ADCY3: variants seen among roughly 807,000 people sequenced by gnomAD.
ADCY3 encodes adenylate cyclase 3, also known as adenylate cyclase type 3.
ADCY3 carries 70 observed loss-of-function variants against 119.4 expected under a neutral mutation model. That is an observed-to-expected ratio of 0.59 (90% CI 0.48 to 0.72). ADCY3 has a LOEUF of 0.72. Ranked by LOEUF, ADCY3 falls within the 30% of genes least tolerant of loss-of-function variation. The pLI, the probability that ADCY3 is intolerant of heterozygous loss-of-function variation, is 0.00. For missense variants in ADCY3, 1,238 were observed against 1,541.6 expected, an observed-to-expected ratio of 0.80 and a Z score of 3.30; for synonymous variants, 672 against 621.4, an observed-to-expected ratio of 1.08 and a Z score of -1.21.
At position 24,841,490 on chromosome 2, in the gene ADCY3, A is replaced by AT; in HGVS notation, c.1068+65dup. The AT allele has an allele frequency of 2.5e-6, 4 of 1,589,968 alleles. No homozygotes were observed. Among genetic ancestry groups the AT allele is most frequent in the Non-Finnish European group, 3.4e-6 (4 of 1,165,570 alleles). On this transcript the variant is annotated intron_variant, in intron 5 of 21. Transcript: ENST00000679454. The surrounding 1 kb of genome is among the most constrained non-coding windows in gnomAD (Gnocchi z 5.8). ...GTGGGAGAAAATCATGGGGCCGGGGATGGGGGCCAGGCAGAGGCCATGAGG... is the reference window on the plus strand; with the variant it reads ...GTGGGAGAAAATCATGGGGCCGGGGATTGGGGGCCAGGCAGAGGCCATGAGG...
intron 17 of ADCY3, 106 bp downstream of exon 17, chr2:24,824,272 A>G (rs1043792659): frequency 7.0e-7 from 1 of 1,434,522 alleles, no homozygotes; most frequent in Non-Finnish European, 9.4e-7. Flanking sequence ...CCTAGGCCCC[A>G]GTCCCCTGTC....
rs937846524 is a variant in ADCY3 at position 24,827,468 on chromosome 2, G to A, written c.2495+78C>T. The A allele has an allele frequency of 4.7e-6, 7 of 1,496,842 alleles. No homozygotes were observed. The Admixed American group carries it at 9.8e-5, about 21-fold the overall frequency. 92.7% of individuals were successfully genotyped at this position (1,496,842 alleles called of 1,614,324 possible). Reference sequence around the variant, plus strand: ...TGCCTCCCGGGAGGGTGAGATCCCGGGGCTTGGGCCTGTTATATTCCTGTC... The same window carrying A: ...TGCCTCCCGGGAGGGTGAGATCCCGAGGCTTGGGCCTGTTATATTCCTGTC... On this transcript the variant is annotated intron_variant, in intron 15 of 21. Transcript: ENST00000679454.
In ADCY3 at chr2:24,839,731, G is replaced by A. The variant is rs911876664; in HGVS notation, c.1355+142C>T. ...CCTTAGCCAGGGCCAGGACCAGGGC[G>A]AGACAGGAGGAATGCTGTTCCGGGG... On this transcript the variant is annotated intron_variant, in intron 7 of 21. Coordinates refer to ENST00000679454, the MANE Select transcript of ADCY3 (RefSeq NM_004036.5). The A allele has an allele frequency of 2.6e-4, 322 of 1,238,162 alleles. 1 individual carries two copies. Among genetic ancestry groups the A allele is most frequent in the African/African-American group, 1.0e-4 (7 of 67,046 alleles). 76.7% of individuals were successfully genotyped at this position (1,238,162 alleles called of 1,614,324 possible).
At chr2:24,853,831 G>A (rs1028851326) in intron 3 of ADCY3, among the ~76,000 whole-genome samples, 1 of 152,042 alleles carries the variant, frequency 6.6e-6, no homozygotes, top group Admixed American at 6.6e-5. Flanking sequence ...GCATTTCATC[G>A]CTATTCAATG....
At chr2:24,902,375 C>G (rs1283729714) in intron 2 of ADCY3, among the ~76,000 whole-genome samples, 1 of 152,090 alleles carries the variant, frequency 6.6e-6, no homozygotes, top group Non-Finnish European at 1.5e-5. Context: ...GCCACCTTGC[C>G]CAGCCTTAGG....
At chr2:24,903,281 T>C (rs1053638185) in intron 2 of ADCY3, among the ~76,000 whole-genome samples, 2 of 152,160 alleles carry the variant, frequency 1.3e-5, no homozygotes, top group Non-Finnish European at 2.9e-5. Context: ...CCACCATCTA[T>C]CTTTTGTTGT....
Position 24,872,777 on chromosome 2 carries a change from G to T in ADCY3, c.676-58C>A. Reference sequence around the variant, plus strand: ...GGGGTGAAGGCACGTCTTCAGAAAAGGGGATGGAGAAGGGGATGGAGGAGG... The same window carrying T: ...GGGGTGAAGGCACGTCTTCAGAAAATGGGATGGAGAAGGGGATGGAGGAGG... On this transcript the variant is annotated intron_variant, in intron 2 of 21. Coordinates refer to ENST00000679454, the MANE Select transcript of ADCY3 (RefSeq NM_004036.5). This position sits in a 1 kb window ranked among gnomAD's most constrained non-coding sequence, Gnocchi z 4.4. The T allele has an allele frequency of 6.3e-7, 1 of 1,586,202 alleles. No homozygotes were observed. Among genetic ancestry groups the T allele is most frequent in the East Asian group, 2.3e-5 (1 of 44,398 alleles).
intron 2 of ADCY3, among the ~76,000 whole-genome samples, chr2:24,882,633 T>C (rs1676531960): frequency 6.6e-6 from 1 of 152,224 alleles, no homozygotes; most frequent in African/African-American, 2.4e-5. Flanking sequence ...AGCCGAATCA[T>C]GTTTGGTCTC....
intron 13 of ADCY3, 111 bp from the exon 14 acceptor site, chr2:24,828,272 C>G: frequency 1.5e-6 from 2 of 1,320,740 alleles, no homozygotes; most frequent in East Asian, 2.4e-5. Context: ...CGCGGCTCCC[C>G]CAGAAATACC....
In ADCY3 at chr2:24,834,889, C is replaced by T. The variant is rs183219559; in HGVS notation, c.1710G>A (p.Gln570=). The T allele has an allele frequency of 8.7e-5, 141 of 1,613,928 alleles. 1 individual carries two copies. In the East Asian group the frequency reaches 2.9e-3, roughly 33 times the overall value. The change falls in exon 10 of 22, where the codon CAG becomes CAA. Residue 570 remains glutamine, a synonymous_variant. Transcript: ENST00000679454. This position sits in a 1 kb window ranked among gnomAD's most constrained non-coding sequence, Gnocchi z 4.2. ...FPNPRRRLRL[Q]DLADRVVDAS... is the part of the protein sequence containing the mutation. Reference sequence around the variant, plus strand: ...CATCCACCACTCGGTCAGCCAGGTCCTGCAGGCGCAGCCTCCGGCGTGGGT... The same window carrying T: ...CATCCACCACTCGGTCAGCCAGGTCTTGCAGGCGCAGCCTCCGGCGTGGGT...
At chr2:24,877,563 T>G (rs1558488895) in intron 2 of ADCY3, among the ~76,000 whole-genome samples, 1 of 151,836 alleles carries the variant, frequency 6.6e-6, no homozygotes. Context: ...GTGTGAACAG[T>G]TGGGGAGATC....
Position 24,849,497 on chromosome 2 carries a change from A to G in ADCY3, c.826-7113T>C, listed in dbSNP as rs74462542. Among the ~76,000 whole-genome samples the G allele has an allele frequency of 6.8e-3, 1,031 of 152,326 alleles. 9 individuals are homozygous for G. Among genetic ancestry groups the G allele is most frequent in the African/African-American group, 0.018 (764 of 41,562 alleles). On this transcript the variant is annotated intron_variant, in intron 3 of 21. Transcript: ENST00000679454. ...GGGAATTTCCATTTTTTTCCCTTATATATTTCCATAACCTTTGCTAAGAGC... is the reference window on the plus strand; with the variant it reads ...GGGAATTTCCATTTTTTTCCCTTATGTATTTCCATAACCTTTGCTAAGAGC...
At chr2:24,910,647 CTTTCT>C (rs1250889565) in intron 2 of ADCY3, among the ~76,000 whole-genome samples, 6 of 146,614 alleles carry the variant, frequency 4.1e-5, no homozygotes, top group Non-Finnish European at 8.9e-5. Context: ...TTAATATTTC[CTTTCT>C]TTTCTTTTCT....
At chr2:24,824,270 C>T (rs1047046349) in intron 17 of ADCY3, 108 bp downstream of exon 17, 48 of 1,424,870 alleles carry the variant, frequency 3.4e-5, no homozygotes, top group South Asian at 3.3e-4. Context: ...TACCTAGGCC[C>T]CAGTCCCCTG....
chr2:24,910,572 T>C (rs1000964945), intron 2 of ADCY3, among the ~76,000 whole-genome samples: 1 of 152,242 alleles, frequency 6.6e-6, no homozygotes, highest in African/African-American at 2.4e-5. Context: ...TTGTTCAAAC[T>C]TGTGTTATCC....
intron 2 of ADCY3, among the ~76,000 whole-genome samples, chr2:24,900,836 G>A (rs557404874): frequency 5.9e-5 from 9 of 152,206 alleles, no homozygotes; most frequent in Admixed American, 4.6e-4. Flanking sequence ...AGGCCGAGAC[G>A]GGTGGATCAC....
intron 8 of ADCY3, among the ~76,000 whole-genome samples, chr2:24,838,226 C>T (rs1321678872): frequency 6.6e-6 from 1 of 152,020 alleles, no homozygotes; most frequent in Non-Finnish European, 1.5e-5. Context: ...GGATATGCTT[C>T]AGTCACCTCC....
intron 18 of ADCY3, among the ~76,000 whole-genome samples, 197 bp from the exon 19 acceptor site, chr2:24,822,827 C>T (rs976638672): frequency 9.9e-5 from 15 of 152,224 alleles, no homozygotes; most frequent in Non-Finnish European, 1.5e-5. Context: ...GTTTCCACAA[C>T]CTCAACACTG....
chr2:24,835,360 G>A (rs900517075), intron 9 of ADCY3, among the ~76,000 whole-genome samples: 6 of 152,176 alleles, frequency 3.9e-5, no homozygotes, highest in African/African-American at 1.2e-4. Context: ...AGGGCTTCAG[G>A]GAACTGTTAA....
Sources: gnomAD v4.1 joint callset for allele counts (sites outside exome capture counted in the v4.1 genomes callset) on GRCh38, gnomAD v4.1.1 for gene constraint, Gnocchi (gnomAD v3.1) non-coding constraint, MANE v1.5 for transcripts, NCBI Gene and HGNC (gene_info 2026-07-23, HGNC 2026-07-21) for gene names.